WFS1: variants seen among roughly 807,000 people sequenced by gnomAD.
WFS1 encodes the protein wolframin ER transmembrane glycoprotein.
Under a neutral mutation model 68.5 loss-of-function variants are expected in WFS1, and 90 were observed. That is an observed-to-expected ratio of 1.31 (90% CI 1.11 to 1.56). WFS1 has a LOEUF of 1.56. Ranked by LOEUF, WFS1 falls within the 40% of genes most tolerant of loss-of-function variation. WFS1 has a pLI of 0.00. For synonymous variants in WFS1, 860 were observed against 540.7 expected (o/e 1.59, Z -8.19); for missense variants, 1,767 against 1,232.6 (o/e 1.43, Z -6.49).
At position 6,293,952 on chromosome 4, in the gene WFS1, T is replaced by C. The variant is rs1035508670; in HGVS notation, c.713-1089T>C. Among the ~76,000 whole-genome samples, 3 of 152,210 alleles carry C rather than the reference T, an allele frequency of 2.0e-5. No homozygotes were observed. In the South Asian group the frequency reaches 6.2e-4, roughly 32 times the overall value. Reference sequence around the variant, plus strand: ...CCTCACAGCTCAGTCTACAGTGAGCTACTGAGGCCTGTGCTACCTGCCACT... The same window carrying C: ...CCTCACAGCTCAGTCTACAGTGAGCCACTGAGGCCTGTGCTACCTGCCACT... On this transcript the variant is annotated intron_variant, in intron 6 of 7. Transcript: ENST00000226760.
At chr4:6,298,546 G>A (rs548245512) in intron 7 of WFS1, among the ~76,000 whole-genome samples, 151 of 151,668 alleles carry the variant, frequency 1.0e-3, no homozygotes, top group Middle Eastern at 3.4e-3. Flanking sequence ...CAGCAGAGCT[G>A]TTCCCCCACG....
chr4:6,278,690 G>A (rs909005055), intron 2 of WFS1, among the ~76,000 whole-genome samples: 6 of 152,222 alleles, frequency 3.9e-5, no homozygotes, highest in East Asian at 1.9e-4. Context: ...GTCGCAGCGC[G>A]CTGAGGCTCC....
rs886059524 is a variant in WFS1, at chr4:6,269,920, C to G, written c.-100C>G. 5.9e-5 allele frequency: 9 copies of G among 152,234 alleles called. No homozygotes were observed. Among genetic ancestry groups the G allele is most frequent in the Non-Finnish European group, 1.0e-4 (7 of 68,040 alleles). 9.4% of individuals were successfully genotyped at this position (152,234 alleles called of 1,614,324 possible). A position where few individuals can be genotyped will look rare whatever the true frequency, so the allele number is the denominator to read the frequency against. ...TGCTCCCCCGCGGCCGCAGATCTCC[C>G]GTTTGCGCCGCGTTCAGCTGCTCCC... On this transcript the variant is annotated 5_prime_UTR_variant, in exon 1 of 8. Transcript: ENST00000226760.
In WFS1 at chr4:6,301,595, C is replaced by A. The variant is rs71524362; in HGVS notation, c.1800C>A (p.Thr600=). Residue 600 remains threonine, a synonymous_variant, in exon 8 of 8, where the codon ACC becomes ACA. Coordinates refer to ENST00000226760, the MANE Select transcript of WFS1 (RefSeq NM_006005.3). ...TGGAGCTCACCAAGATCGCAGTCAC[C>A]GTGGCGGTCTGTAGTGTGCCCCTGC... is the stretch of plus-strand genomic sequence containing the variant. ...TSLELTKIAV[T]VAVCSVPLLL... is the part of the protein sequence containing the mutation. 8.1e-6 allele frequency: 13 copies of A among 1,614,148 alleles called. No individual in the cohort carries two copies. Among genetic ancestry groups the A allele is most frequent in the Non-Finnish European group, 9.3e-6 (11 of 1,180,028 alleles).
At position 6,280,431 on chromosome 4, in the gene WFS1, G is replaced by C. The variant is rs566292996; in HGVS notation, c.232+2744G>C. ...TCAACAAGAGAATAAAGCTGGGCTT[G>C]TCACACCTGGTCCCAGGTGACCCAG... On this transcript the variant is annotated intron_variant, in intron 2 of 7. Transcript: ENST00000226760. Among the ~76,000 whole-genome samples, 153 of 152,286 alleles carry C rather than the reference G, an allele frequency of 1.0e-3. 6 individuals are homozygous for C. The South Asian group carries it at 0.03, about 30-fold the overall frequency.
At chr4:6,275,876 T>A (rs55733627) in intron 1 of WFS1, among the ~76,000 whole-genome samples, 4,907 of 152,174 alleles carry the variant, frequency 0.032, 83 homozygotes, top group Middle Eastern at 0.054. Context: ...AAGCGCTGGG[T>A]GTTCAGAGGT....
intron 7 of WFS1, among the ~76,000 whole-genome samples, chr4:6,296,746 G>A (rs1196762060): frequency 2.8e-4 from 43 of 152,250 alleles, no homozygotes; most frequent in Non-Finnish European, 1.5e-4. Flanking sequence ...ATGCCTCCTT[G>A]CATATGCGTC....
At position 6,300,703 on chromosome 4, in the gene WFS1, T is replaced by C. The variant is rs1471076063; in HGVS notation, c.908T>C (p.Leu303Pro). ...GCCATCATGGAGATCAAGGAGTACC[T>C]GATTGACATGGCCTCCAGGGCAGGC... is the stretch of plus-strand genomic sequence containing the variant. Reference protein sequence around the residue: ...LHAIMEIKEYLIDMASRAGMH... With the variant: ...LHAIMEIKEYPIDMASRAGMH... Residue 303 changes from leucine to proline, a missense_variant, in exon 8 of 8, where the codon CTG becomes CCG. By Grantham distance (98) the Leu-to-Pro change is moderately conservative. Coordinates refer to ENST00000226760, the MANE Select transcript of WFS1 (RefSeq NM_006005.3). 3 of 1,614,088 alleles carry C rather than the reference T, an allele frequency of 1.9e-6. No individual in the cohort carries two copies. The highest frequency in any genetic ancestry group is 4.5e-5 in the East Asian group (2 of 44,866).
rs560370539 is a variant in WFS1 at position 6,294,376 on chromosome 4, G to A, written c.713-665G>A. ...ACGTAGCAGGCTCTTGGTGGAAGAT[G>A]TTGGATGGAGGGGTAAGTCGGCCCA... On this transcript the variant is annotated intron_variant, in intron 6 of 7. Coordinates refer to ENST00000226760, the MANE Select transcript of WFS1 (RefSeq NM_006005.3). Among the ~76,000 whole-genome samples the A allele has an allele frequency of 2.4e-3, 371 of 152,320 alleles. 4 individuals carry two copies. Among genetic ancestry groups the A allele is most frequent in the South Asian group, 7.9e-3 (38 of 4,818 alleles).
intron 7 of WFS1, among the ~76,000 whole-genome samples, chr4:6,297,346 G>A (rs1730664452): frequency 6.6e-6 from 1 of 152,086 alleles, no homozygotes; most frequent in African/African-American, 2.4e-5. Context: ...ACAAGGAGAG[G>A]TCTTCACTCA....
chr4:6,284,180 G>A (rs2109112095), intron 2 of WFS1, among the ~76,000 whole-genome samples: 1 of 152,206 alleles, frequency 6.6e-6, no homozygotes, highest in South Asian at 2.1e-4. Context: ...GACCAGCCTG[G>A]CCAACATGGT....
At position 6,283,740 on chromosome 4, in the gene WFS1, T is replaced by G. The variant is rs954268315; in HGVS notation, c.233-3353T>G. 3.9e-5 allele frequency among the ~76,000 whole-genome samples: 6 copies of G among 152,170 alleles called. No individual in the cohort carries two copies. The highest frequency in any genetic ancestry group is 2.0e-4 in the Admixed American group (3 of 15,282). On this transcript the variant is annotated intron_variant, in intron 2 of 7. Coordinates refer to ENST00000226760, the MANE Select transcript of WFS1 (RefSeq NM_006005.3). This position sits in a 1 kb window ranked among gnomAD's most constrained non-coding sequence, Gnocchi z 5.0. Reference sequence around the variant, plus strand: ...ATTGGCCAGGTGGGGGTGCGGGCCTTCTGTGCAGCGCAGGGGAGGGGGCAG... The same window carrying G: ...ATTGGCCAGGTGGGGGTGCGGGCCTGCTGTGCAGCGCAGGGGAGGGGGCAG...
chr4:6,271,305 A>G (rs550382813), intron 1 of WFS1, among the ~76,000 whole-genome samples: 1 of 152,314 alleles, frequency 6.6e-6, no homozygotes, highest in South Asian at 2.1e-4. Flanking sequence ...AGACACAGGA[A>G]AAGTTGGCTG....
chr4:6,298,670 TC>T (rs1253912185), intron 7 of WFS1, among the ~76,000 whole-genome samples: 9 of 152,296 alleles, frequency 5.9e-5, no homozygotes, highest in Admixed American at 2.6e-4. Flanking sequence ...TCATAACACT[TC>T]CGTTTCCTCC....
chr4:6,294,964 C>G, intron 6 of WFS1, 77 bp from the exon 7 acceptor site: 1 of 1,609,186 alleles, frequency 6.2e-7, no homozygotes, highest in Non-Finnish European at 8.5e-7. Flanking sequence ...GCCACCGTCC[C>G]CAGCCCATTG....
chr4:6,294,445 A>AG (rs1730566518), intron 6 of WFS1, among the ~76,000 whole-genome samples: 1 of 149,490 alleles, frequency 6.7e-6, no homozygotes, highest in Non-Finnish European at 1.5e-5. Context: ...GGCATGTAGT[A>AG]GGCCCATGGC....
At chr4:6,273,232 G>C (rs910059737) in intron 1 of WFS1, among the ~76,000 whole-genome samples, 4 of 152,262 alleles carry the variant, frequency 2.6e-5, no homozygotes, top group Non-Finnish European at 4.4e-5. Flanking sequence ...GATGCATGGT[G>C]CCTGCAGCCC....
At position 6,301,769 on chromosome 4, in the gene WFS1, G is replaced by C; in HGVS notation, c.1974G>C (p.Lys658Asn). ...WFYVYRSEGM[K>N]VYNSTLTWQQ... Reference sequence around the variant, plus strand: ...ATGTGTACCGCTCAGAGGGCATGAAGGTCTACAACTCCACACTGACCTGGC... The same window carrying C: ...ATGTGTACCGCTCAGAGGGCATGAACGTCTACAACTCCACACTGACCTGGC... The change falls in exon 8 of 8, where the codon AAG becomes AAC. Residue 658 changes from lysine (K) to asparagine (N), a missense_variant. Physicochemically the swap from Lys to Asn is moderately conservative, Grantham distance 94. Coordinates refer to ENST00000226760, the MANE Select transcript of WFS1 (RefSeq NM_006005.3). The C allele has an allele frequency of 6.2e-7, 1 of 1,613,662 alleles. No homozygotes were observed. The highest frequency in any genetic ancestry group is 8.5e-7 in the Non-Finnish European group (1 of 1,180,032).
intron 2 of WFS1, among the ~76,000 whole-genome samples, chr4:6,278,938 TCCAA>T (rs1279489065): frequency 6.6e-6 from 1 of 152,098 alleles, no homozygotes; most frequent in Non-Finnish European, 1.5e-5. Flanking sequence ...AAGGACAGAG[TCCAA>T]GACTGTGTGT....
Sources: gnomAD v4.1 joint callset for allele counts (sites outside exome capture counted in the v4.1 genomes callset) on GRCh38, gnomAD v4.1.1 for gene constraint, Gnocchi (gnomAD v3.1) non-coding constraint, MANE v1.5 for transcripts, NCBI Gene and HGNC (gene_info 2026-07-23, HGNC 2026-07-21) for gene names.